The following SNURF variants were observed in gnomAD, a reference collection of about 807,000 sequenced individuals.
SNURF encodes the protein SNRPN upstream open reading frame.
Under a neutral mutation model 11.6 loss-of-function variants are expected in SNURF, and 6 were observed. The ratio of observed to expected loss-of-function variants is 0.52; its 90% confidence interval spans 0.28 to 1.02. The LOEUF (loss-of-function observed/expected upper bound fraction) is 1.02, where lower values mean the gene tolerates loss of function less well. Ranked by LOEUF, SNURF falls within the 50% of genes least tolerant of loss-of-function variation. The pLI is 0.09. For missense variants in SNURF, 84 were observed against 88.4 expected (o/e 0.95, Z 0.20); for synonymous variants, 29 against 31.6 (o/e 0.92, Z 0.27).
At chr15:24,978,259 G>T, downstream of SNURF, 1 of 1,614,062 alleles carries the variant, frequency 6.2e-7, no homozygotes, top group Non-Finnish European at 8.5e-7. Flanking sequence ...CCCCCTGCTC[G>T]AGGGACGCCA....
At chr15:24,958,961 C>G (rs1010259762) in intron 1 of SNURF, 3 of 152,258 alleles carry the variant, frequency 2.0e-5, no homozygotes, top group Non-Finnish European at 4.4e-5. Flanking sequence ...CAAGCAGTGC[C>G]CCTGCCTAGG....
intron 2 of SNURF, 53 bp downstream of exon 2, chr15:24,962,262 T>G: frequency 7.1e-7 from 1 of 1,404,942 alleles, no homozygotes; most frequent in Non-Finnish European, 1.0e-6. Flanking sequence ...CCTTTCAGAT[T>G]AGAACAAAAT....
chr15:24,969,545 C>T (rs1228710463), downstream of SNURF, among the ~76,000 whole-genome samples: 2 of 152,176 alleles, frequency 1.3e-5, no homozygotes, highest in Non-Finnish European at 2.9e-5. Flanking sequence ...TAATCATTGT[C>T]CAAAGCTTTT....
chr15:24,978,271 T>C, downstream of SNURF: 1 of 1,614,094 alleles, frequency 6.2e-7, no homozygotes, highest in Non-Finnish European at 8.5e-7. Context: ...GGGACGCCAA[T>C]AGGCATGCCG....
intron 1 of SNURF, among the ~76,000 whole-genome samples, chr15:24,956,229 T>C (rs1315809409): frequency 2.0e-5 from 3 of 152,090 alleles, no homozygotes; most frequent in African/African-American, 7.2e-5. Flanking sequence ...TTTCTCTCTG[T>C]TGGGAACCAG....
intron 2 of SNURF, chr15:24,966,914 A>T (rs1291966064): frequency 6.6e-6 from 1 of 152,086 alleles, no homozygotes; most frequent in African/African-American, 2.4e-5. Context: ...CAGCCAGGTT[A>T]CTGATTCATA....
chr15:24,959,020 CTTTG>C (rs1044275407), intron 1 of SNURF, among the ~76,000 whole-genome samples: 11 of 152,274 alleles, frequency 7.2e-5, no homozygotes, highest in African/African-American at 2.6e-4. Flanking sequence ...ACCTGGCCAA[CTTTG>C]TTTATTTTTA....
At chr15:24,975,101 G>T in intron 3 of SNURF, 1 of 637,886 alleles carries the variant, frequency 1.6e-6, no homozygotes, top group Admixed American at 2.5e-5. Context: ...TTTAGAGCAT[G>T]CATCGTCACA....
At chr15:24,973,735 G>A (rs1301907362), downstream of SNURF, among the ~76,000 whole-genome samples, 2 of 152,074 alleles carry the variant, frequency 1.3e-5, no homozygotes, top group Non-Finnish European at 2.9e-5. Flanking sequence ...TTCATTACTT[G>A]ATCTATGAAA....
downstream of SNURF, chr15:24,968,666 C>CA (rs1315353544): frequency 6.6e-6 from 1 of 152,490 alleles, no homozygotes; most frequent in Non-Finnish European, 1.5e-5. Context: ...TATAAATACA[C>CA]AGCACATAAT....
At chr15:24,955,685 G>A (rs1288281980) in intron 1 of SNURF, among the ~76,000 whole-genome samples, 1 of 148,030 alleles carries the variant, frequency 6.8e-6, no homozygotes, top group Non-Finnish European at 1.5e-5. Flanking sequence ...ACAGTGGTGG[G>A]GGTTGTGTTG....
At chr15:24,974,787 G>A (rs567233711) in intron 3 of SNURF, 6 of 629,808 alleles carry the variant, frequency 9.5e-6, no homozygotes, top group African/African-American at 1.8e-5. Context: ...TCAGGCTCCT[G>A]ACCTCTGGTG....
chr15:24,962,038 A>C (rs1450455807), intron 1 of SNURF, 76 bp from the exon 2 acceptor site: 3 of 1,205,892 alleles, frequency 2.5e-6, no homozygotes, highest in Non-Finnish European at 3.7e-6. Flanking sequence ...ATGTAGTTCT[A>C]AATATAACCT....
intron 3 of SNURF, chr15:24,974,411 T>A (rs2076824539): frequency 6.2e-7 from 1 of 1,606,866 alleles, no homozygotes; most frequent in Non-Finnish European, 8.5e-7. Context: ...TTCAGAAGCA[T>A]CAAGTTTTAA....
chr15:24,976,536 A>G (rs979989416), intron 5 of SNURF: 2 of 764,518 alleles, frequency 2.6e-6, no homozygotes, highest in South Asian at 1.6e-5. Context: ...AAAATGTGCC[A>G]GGCACTTAAT....
intron 2 of SNURF, among the ~76,000 whole-genome samples, chr15:24,966,741 A>T (rs952704334): frequency 1.3e-5 from 2 of 152,180 alleles, no homozygotes; most frequent in Admixed American, 6.5e-5. Flanking sequence ...ATTCTTTATT[A>T]TACAGAAGCA....
At chr15:24,967,760 A>G (rs966107645) in intron 2 of SNURF, among the ~76,000 whole-genome samples, 172 bp from the exon 3 acceptor site, 1 of 150,178 alleles carries the variant, frequency 6.7e-6, no homozygotes, top group African/African-American at 2.5e-5. Flanking sequence ...GTGAGCAGAA[A>G]TTGCTTCATT....
chr15:24,978,157 T>G, downstream of SNURF: 1 of 1,599,196 alleles, frequency 6.3e-7, no homozygotes, highest in South Asian at 1.1e-5. Context: ...CTAAGCCATT[T>G]TATGAGGCCT....
At chr15:24,974,357 G>A in intron 3 of SNURF, 2 of 1,147,630 alleles carry the variant, frequency 1.7e-6, no homozygotes, top group Non-Finnish European at 2.6e-6. Context: ...ATTGTTTCTA[G>A]GAGAACCTGC....
Sources: gnomAD v4.1 joint callset for allele counts (sites outside exome capture counted in the v4.1 genomes callset) on GRCh38, gnomAD v4.1.1 for gene constraint, MANE v1.5 for transcripts, NCBI Gene and HGNC (gene_info 2026-07-23, HGNC 2026-07-21) for gene names.